Variants in NCAPD3 observed in about 807,000 individuals in gnomAD.
The protein encoded by NCAPD3 is condensin-2 complex subunit D3.
Under a neutral mutation model 182.9 loss-of-function variants are expected in NCAPD3, and 105 were observed. That is an observed-to-expected ratio of 0.57 (90% CI 0.49 to 0.68). The LOEUF (loss-of-function observed/expected upper bound fraction) is 0.68, where lower values mean the gene tolerates loss of function less well. Among genes scored for constraint, NCAPD3 ranks in the 30% least tolerant of loss-of-function variants. NCAPD3 has a pLI of 0.00. For missense variants in NCAPD3, 1,944 were observed against 1,837.0 expected, an observed-to-expected ratio of 1.06 and a Z score of -1.07; for synonymous variants, 815 against 679.9, an observed-to-expected ratio of 1.20 and a Z score of -3.09.
At chr11:134,219,003 A>G (rs1938127877) in intron 2 of NCAPD3, among the ~76,000 whole-genome samples, 1 of 152,242 alleles carries the variant, frequency 6.6e-6, no homozygotes, top group Non-Finnish European at 1.5e-5. Flanking sequence ...CGCTTAGAAC[A>G]AAACCTCATA....
intron 19 of NCAPD3, among the ~76,000 whole-genome samples, chr11:134,182,835 C>G (rs1403080704): frequency 1.3e-5 from 2 of 152,222 alleles, no homozygotes; most frequent in Middle Eastern, 3.2e-3. Flanking sequence ...AAAGGAGAAG[C>G]GTGTTTAGGG....
In NCAPD3 at chr11:134,169,054, G is replaced by T. The variant is rs7927108; in HGVS notation, c.3102C>A (p.Ser1034Arg). 5.2e-3 allele frequency: 8,450 copies of T among 1,612,868 alleles called. 366 individuals are homozygous for T. The African/African-American group carries it at 0.099, about 19-fold the overall frequency. ...GGTGAGCCAGGCAAAACTCCCCGAA[G>T]CTGCAAAGGTGAGAGAAACAAAGAG... ...TLIDSHPDIA[S>R]FGEFCLAHLL... The change falls in exon 25 of 35, where the codon AGC becomes AGA. Residue 1034 changes from serine to arginine, a missense_variant and splice_region_variant. Ser to Arg is a moderately radical substitution (Grantham distance 110). This residue lies in a region of NCAPD3 where 1,803 missense variants were observed against 1,674.6 expected (regional missense o/e 1.08). Coordinates refer to ENST00000534548, the MANE Select transcript of NCAPD3 (RefSeq NM_015261.3).
chr11:134,191,721 A>T (rs1273771568), intron 16 of NCAPD3, among the ~76,000 whole-genome samples: 1 of 152,204 alleles, frequency 6.6e-6, no homozygotes, highest in Non-Finnish European at 1.5e-5. Flanking sequence ...AAATCTCAGG[A>T]AAGCATAGGG....
intron 16 of NCAPD3, 70 bp downstream of exon 16, chr11:134,192,619 G>A (rs1046325326): frequency 3.7e-6 from 5 of 1,366,814 alleles, no homozygotes; most frequent in Admixed American, 1.9e-5. Context: ...AGGACCAATA[G>A]GAGAAATTTA....
chr11:134,175,138 T>A (rs957654529), intron 24 of NCAPD3, among the ~76,000 whole-genome samples: 1 of 152,210 alleles, frequency 6.6e-6, no homozygotes, highest in African/African-American at 2.4e-5. Context: ...AAATCCCACA[T>A]ACAGTTTACT....
rs1346477090 is a variant in NCAPD3, at chr11:134,209,328, T to C, written c.717A>G (p.Val239=). The change falls in exon 5 of 35, where the codon GTA becomes GTG. Residue 239 remains valine, a synonymous_variant. Coordinates refer to ENST00000534548, the MANE Select transcript of NCAPD3 (RefSeq NM_015261.3). The part of the protein sequence containing the change: ...KFSLKEKPQC[V]QNCIEVFVSL... ...TTTCACTTACCTCTATACAATTCTG[T>C]ACACATTGTGGCTTTTCTTTCAAGG... 1.2e-6 allele frequency: 2 copies of C among 1,613,710 alleles called. No individual in the cohort carries two copies. The highest frequency in any genetic ancestry group is 2.2e-5 in the East Asian group (1 of 44,878).
intron 27 of NCAPD3, among the ~76,000 whole-genome samples, chr11:134,167,756 AG>A (rs1943893643): frequency 1.8e-5 from 2 of 111,228 alleles, no homozygotes; most frequent in African/African-American, 7.3e-5. Context: ...TAGGGAGAGC[AG>A]CACACTCACT....
At chr11:134,200,814 G>A (rs1944731496) in intron 13 of NCAPD3, among the ~76,000 whole-genome samples, 1 of 152,112 alleles carries the variant, frequency 6.6e-6, no homozygotes, top group South Asian at 2.1e-4. Context: ...GCCAAAAAGT[G>A]AAAACAACCC....
chr11:134,189,175 G>A (rs561218207), intron 16 of NCAPD3, among the ~76,000 whole-genome samples: 1 of 152,242 alleles, frequency 6.6e-6, no homozygotes, highest in South Asian at 2.1e-4. Flanking sequence ...CAAGACATTT[G>A]TAGTTGTATC....
Position 134,203,199 on chromosome 11 carries a change from C to G in NCAPD3, c.1469-1G>C, listed in dbSNP as rs1944785412. On this transcript the variant is annotated splice_acceptor_variant, in intron 11 of 34. Transcript: ENST00000534548. LOFTEE classifies it high-confidence loss of function. ...CTCTCTATTACAGAAAACGTAGGACCTAAAAACAAGAAGAAAGATAAGAAG... is the reference window on the plus strand; with the variant it reads ...CTCTCTATTACAGAAAACGTAGGACGTAAAAACAAGAAGAAAGATAAGAAG... 1 of 1,591,092 alleles carries G rather than the reference C, an allele frequency of 6.3e-7. No homozygotes were observed. The highest frequency in any genetic ancestry group is 8.6e-7 in the Non-Finnish European group (1 of 1,159,684).
Position 134,192,878 on chromosome 11 carries a change from G to A in NCAPD3, c.1856C>T (p.Ala619Val). ...CACCGGGACCACCCCCCGCAACCAG[G>A]CTTTCTGGATCTGCACGCATCTAGG... ...AQPRCVQIQK[A>V]WLRGVVPVVM... Residue 619 changes from alanine to valine, a missense_variant, in exon 16 of 35, where the codon GCC becomes GTC. Ala to Val is a moderately conservative substitution (Grantham distance 64). Coordinates refer to ENST00000534548, the MANE Select transcript of NCAPD3 (RefSeq NM_015261.3). 6.2e-7 allele frequency: 1 copy of A among 1,613,372 alleles called. No individual in the cohort carries two copies. Among genetic ancestry groups the A allele is most frequent in the Non-Finnish European group, 8.5e-7 (1 of 1,179,372 alleles).
In NCAPD3 at chr11:134,178,630, T is replaced by C. The variant is rs1944223522; in HGVS notation, c.2782+4A>G. 6.5e-7 allele frequency: 1 copy of C among 1,529,856 alleles called. No homozygotes were observed. The highest frequency in any genetic ancestry group is 8.8e-7 in the Non-Finnish European group (1 of 1,136,732). 94.8% of individuals were successfully genotyped at this position (1,529,856 alleles called of 1,614,324 possible). A position where few individuals can be genotyped will look rare whatever the true frequency, so the allele number is the denominator to read the frequency against. Reference sequence around the variant, plus strand: ...CAAGCCCCATTCTCCCATGTTTTTCTTACCTAAGGTAATGATGGCATGTGC... The same window carrying C: ...CAAGCCCCATTCTCCCATGTTTTTCCTACCTAAGGTAATGATGGCATGTGC... On this transcript the variant is annotated splice_donor_region_variant and intron_variant, in intron 22 of 34. Coordinates refer to ENST00000534548, the MANE Select transcript of NCAPD3 (RefSeq NM_015261.3).
chr11:134,194,626 T>C (rs769800233), intron 14 of NCAPD3, 39 bp downstream of exon 14: 4 of 1,444,082 alleles, frequency 2.8e-6, no homozygotes, highest in East Asian at 2.3e-5. Flanking sequence ...TCCAAGTTTT[T>C]AGTGCTTAAA....
intron 13 of NCAPD3, among the ~76,000 whole-genome samples, chr11:134,201,250 C>G (rs1199238460): frequency 6.6e-6 from 1 of 152,064 alleles, no homozygotes; most frequent in East Asian, 1.9e-4. Flanking sequence ...TCTCGATCTC[C>G]TGACCTCGTG....
chr11:134,158,584 C>T (rs1943493957), intron 29 of NCAPD3, 89 bp from the exon 30 acceptor site: 5 of 1,389,716 alleles, frequency 3.6e-6, no homozygotes, highest in Admixed American at 2.0e-5. Flanking sequence ...GTTGGGGGTC[C>T]ATATGAGATT....
chr11:134,153,270 A>G lies in NCAPD3; in HGVS notation c.4327+19T>C, dbSNP rs1307275193. 3 of 1,614,072 alleles carry G rather than the reference A, an allele frequency of 1.9e-6. No individual in the cohort carries two copies. Among genetic ancestry groups the G allele is most frequent in the Admixed American group, 1.7e-5 (1 of 60,024 alleles). On this transcript the variant is annotated intron_variant, in intron 33 of 34. Coordinates refer to ENST00000534548, the MANE Select transcript of NCAPD3 (RefSeq NM_015261.3). ...AAAGGCAGTGCATCTATCAGCCCAGAAGGACACCAAGAACTTGCCTTTGGC... is the reference window on the plus strand; with the variant it reads ...AAAGGCAGTGCATCTATCAGCCCAGGAGGACACCAAGAACTTGCCTTTGGC...
At chr11:134,182,400 T>C (rs1319489230) in intron 19 of NCAPD3, among the ~76,000 whole-genome samples, 1 of 152,254 alleles carries the variant, frequency 6.6e-6, no homozygotes, top group Non-Finnish European at 1.5e-5. Context: ...GAATACCAAA[T>C]AAATCCAATT....
upstream of NCAPD3, chr11:134,225,240 T>C (rs1938426844): frequency 2.5e-6 from 4 of 1,614,116 alleles, no homozygotes; most frequent in Non-Finnish European, 3.4e-6. Flanking sequence ...ATATTTCCTC[T>C]TCTACGACGG....
At chr11:134,184,320 G>T (rs1467827945) in intron 19 of NCAPD3, among the ~76,000 whole-genome samples, 1 of 152,192 alleles carries the variant, frequency 6.6e-6, no homozygotes, top group Non-Finnish European at 1.5e-5. Flanking sequence ...GAATGAGAGT[G>T]GAAGTCAAGG....
Sources: allele counts gnomAD v4.1 joint callset (sites outside exome capture counted in the v4.1 genomes callset), GRCh38; gene constraint gnomAD v4.1.1; regional missense constraint gnomAD v4.1.1; transcripts MANE v1.5; gene names NCBI Gene and HGNC (gene_info 2026-07-23, HGNC 2026-07-21).